The following ST3GAL1 variants were observed in gnomAD, a reference collection of about 807,000 sequenced individuals.
ST3GAL1 encodes the protein ST3 beta-galactoside alpha-2,3-sialyltransferase 1.
A neutral mutation model predicts 34.1 loss-of-function variants in ST3GAL1; 16 were observed. The ratio of observed to expected loss-of-function variants is 0.47; its 90% CI spans 0.32 to 0.71. ST3GAL1 has a LOEUF of 0.71. Among genes scored for constraint, ST3GAL1 ranks in the 30% least tolerant of loss-of-function variants. The probability of loss-of-function intolerance (pLI) is 0.04; values close to 1 mark genes in which losing one functional copy is unlikely to be tolerated. For synonymous variants in ST3GAL1, 191 were observed against 184.7 expected, an observed-to-expected ratio of 1.03 and a Z score of -0.28; for missense variants, 353 against 447.4, an observed-to-expected ratio of 0.79 and a Z score of 1.90.
chr8:133,472,426 G>C (rs1816003847), intron 5 of ST3GAL1, among the ~76,000 whole-genome samples: 1 of 152,130 alleles, frequency 6.6e-6, no homozygotes, highest in Admixed American at 6.5e-5. Flanking sequence ...ACAACACGTG[G>C]GAATTGTGGG....
Position 133,493,578 on chromosome 8 carries a change from G to A in ST3GAL1, c.-374+5557C>T, listed in dbSNP as rs140920864. On this transcript the variant is annotated intron_variant, in intron 3 of 9. Transcript: ENST00000522652. ...AAAAACCACCCTGACTGGGCGTGGT[G>A]GCTCATGCCTGTAATCCCAACATTT... 1.4e-3 allele frequency among the ~76,000 whole-genome samples: 207 copies of A among 152,336 alleles called. 1 individual carries two copies. Among genetic ancestry groups the A allele is most frequent in the African/African-American group, 4.7e-3 (197 of 41,572 alleles).
chr8:133,517,806 T>C (rs1817690405), intron 2 of ST3GAL1, among the ~76,000 whole-genome samples: 1 of 152,244 alleles, frequency 6.6e-6, no homozygotes, highest in African/African-American at 2.4e-5. Context: ...GTCTGCACTG[T>C]AGAGCACAAC....
rs1816568833 is a variant in ST3GAL1, at chr8:133,485,797, GAT to G, written c.-373-9199_-373-9198del. On this transcript the variant is annotated intron_variant, in intron 3 of 9. Transcript: ENST00000522652. ...AAAGAGAGGGTGGAGCTTTGGGGGG[GAT>G]AGAAGGTCGGGAGTTGGTTTAGCTG... 3.3e-5 allele frequency among the ~76,000 whole-genome samples: 5 copies of G among 152,200 alleles called. No individual in the cohort carries two copies. In the South Asian group the frequency reaches 1.0e-3, roughly 32 times the overall value.
chr8:133,471,031 C>T (rs184069009), intron 5 of ST3GAL1, among the ~76,000 whole-genome samples: 38 of 152,256 alleles, frequency 2.5e-4, no homozygotes, highest in Middle Eastern at 3.4e-3. Flanking sequence ...CCTCCTTCCA[C>T]GGCCAATGAA....
chr8:133,485,874 T>C (rs1349782698), intron 3 of ST3GAL1, among the ~76,000 whole-genome samples: 4 of 152,082 alleles, frequency 2.6e-5, no homozygotes, highest in Non-Finnish European at 5.9e-5. Flanking sequence ...GGAAGTTACA[T>C]GGGCTGCTGA....
In ST3GAL1 at chr8:133,549,819, A is replaced by G. The variant is rs564895411; in HGVS notation, c.-581-3893T>C. Among the ~76,000 whole-genome samples, 574 of 152,188 alleles carry G rather than the reference A, an allele frequency of 3.8e-3. 5 individuals carry two copies. Among genetic ancestry groups the G allele is most frequent in the African/African-American group, 0.013 (549 of 41,524 alleles). On this transcript the variant is annotated intron_variant, in intron 1 of 9. Coordinates refer to ENST00000522652, the MANE Select transcript of ST3GAL1 (RefSeq NM_173344.3). ...CTCTACTAAAAATACAAAATTAGCC[A>G]GGCATGGTGGTGCATGCCTGTAATC...
chr8:133,560,864 T>C (rs1819200353), intron 1 of ST3GAL1, among the ~76,000 whole-genome samples: 1 of 152,058 alleles, frequency 6.6e-6, no homozygotes. Flanking sequence ...TCCACATCTA[T>C]AAAATGGGAT....
intron 1 of ST3GAL1, among the ~76,000 whole-genome samples, chr8:133,546,298 C>T (rs867540945): frequency 1.3e-5 from 2 of 152,114 alleles, no homozygotes; most frequent in African/African-American, 4.8e-5. Flanking sequence ...GCCTGACCAA[C>T]GTGGTGAAAC....
chr8:133,463,320 G>C, intron 8 of ST3GAL1, 94 bp downstream of exon 8: 4 of 1,425,552 alleles, frequency 2.8e-6, no homozygotes, highest in Non-Finnish European at 2.9e-6. Flanking sequence ...CTGGGGATCT[G>C]GGGGCTGTCT....
intron 2 of ST3GAL1, among the ~76,000 whole-genome samples, chr8:133,542,616 AG>A (rs1818564191): frequency 1.3e-5 from 2 of 152,104 alleles, no homozygotes; most frequent in African/African-American, 4.8e-5. Flanking sequence ...CTCTACTAAA[AG>A]TACAAAAATT....
intron 2 of ST3GAL1, chr8:133,544,146 T>G: frequency 6.6e-6 from 1 of 151,804 alleles, no homozygotes; most frequent in East Asian, 1.9e-4. Context: ...ATGCCAAACC[T>G]GGGGCCTTTG....
chr8:133,498,611 C>T (rs1283049917), intron 3 of ST3GAL1, among the ~76,000 whole-genome samples: 1 of 152,138 alleles, frequency 6.6e-6, no homozygotes, highest in African/African-American at 2.4e-5. Context: ...TTGGCTTTTG[C>T]AAAAACAACA....
In ST3GAL1 at chr8:133,455,937, G is replaced by A. The variant is rs1815278498; in HGVS notation, c.*3827C>T. ...CCTCTAGCACCACCTTCTGGCCACA[G>A]CAGAGAATGGGATTCCATCAAAGCC... On this transcript the variant is annotated 3_prime_UTR_variant, in exon 10 of 10. Transcript: ENST00000522652. 2.6e-5 allele frequency: 4 copies of A among 152,306 alleles called. No individual in the cohort carries two copies. The highest frequency in any genetic ancestry group is 9.6e-5 in the African/African-American group (4 of 41,558). 9.4% of individuals were successfully genotyped at this position (152,306 alleles called of 1,614,324 possible).
intron 1 of ST3GAL1, among the ~76,000 whole-genome samples, chr8:133,561,527 G>A (rs562014367): frequency 2.0e-5 from 3 of 152,124 alleles, no homozygotes; most frequent in Non-Finnish European, 2.9e-5. Context: ...CACATGAACT[G>A]TAAATGGTGG....
At chr8:133,470,451 T>A (rs1799919223) in intron 5 of ST3GAL1, among the ~76,000 whole-genome samples, 1 of 151,836 alleles carries the variant, frequency 6.6e-6, no homozygotes, top group Admixed American at 6.6e-5. Context: ...GTGCTACTGA[T>A]ATGAACACAG....
chr8:133,528,880 C>T (rs529816983), intron 2 of ST3GAL1, among the ~76,000 whole-genome samples: 115 of 152,320 alleles, frequency 7.5e-4, no homozygotes, highest in African/African-American at 2.6e-3. Context: ...TGTCACAAGA[C>T]GGGGCATCAG....
rs2130908382 is a variant in ST3GAL1, at chr8:133,458,429, G to A, written c.*1335C>T. The A allele has an allele frequency of 6.6e-6, 1 of 152,368 alleles. No homozygotes were observed. Among genetic ancestry groups the A allele is most frequent in the Admixed American group, 6.5e-5 (1 of 15,300 alleles). 9.4% of individuals were successfully genotyped at this position (152,368 alleles called of 1,614,324 possible). Reference sequence around the variant, plus strand: ...TCCTTGACCCAGACCCCCAGTGACAGCCCCAAGATGGCCAGCAGGGACTTG... The same window carrying A: ...TCCTTGACCCAGACCCCCAGTGACAACCCCAAGATGGCCAGCAGGGACTTG... On this transcript the variant is annotated 3_prime_UTR_variant, in exon 10 of 10. Coordinates refer to ENST00000522652, the MANE Select transcript of ST3GAL1 (RefSeq NM_173344.3).
In ST3GAL1 at chr8:133,502,431, A is replaced by AAG. The variant is rs1157450429; in HGVS notation, c.-428-3243_-428-3242insCT. Among the ~76,000 whole-genome samples, 6 of 151,744 alleles carry AAG rather than the reference A, an allele frequency of 4.0e-5. No homozygotes were observed. In the East Asian group the frequency reaches 9.7e-4, roughly 24 times the overall value. On this transcript the variant is annotated intron_variant, in intron 2 of 9. Transcript: ENST00000522652. ...TGCTAGAATTGATGTCCTTATAAAA[A>AAG]AAAAAAAAAGAGGTGCCAGAAAGCA...
At chr8:133,505,489 T>C (rs1817303138) in intron 2 of ST3GAL1, among the ~76,000 whole-genome samples, 1 of 152,250 alleles carries the variant, frequency 6.6e-6, no homozygotes, top group Admixed American at 6.5e-5. Flanking sequence ...TGCTATCTTT[T>C]GTCAGCATCT....
Sources: allele counts gnomAD v4.1 joint callset (sites outside exome capture counted in the v4.1 genomes callset), GRCh38; gene constraint gnomAD v4.1.1; transcripts MANE v1.5; gene names NCBI Gene and HGNC (gene_info 2026-07-23, HGNC 2026-07-21).